LRBA: variants seen among roughly 807,000 people sequenced by gnomAD.
The protein encoded by LRBA is lipopolysaccharide-responsive and beige-like anchor protein.
In LRBA, 176 loss-of-function variants were observed where a neutral mutation model predicts 330.0. That is an observed-to-expected ratio of 0.53 (90% CI 0.47 to 0.60). The LOEUF (loss-of-function observed/expected upper bound fraction) is 0.60, where lower values mean the gene tolerates loss of function less well. Ranked by LOEUF, LRBA falls within the 20% of genes least tolerant of loss-of-function variation. The pLI, the probability that LRBA is intolerant of heterozygous loss-of-function variation, is 0.00. For missense variants in LRBA, 3,259 were observed against 3,444.8 expected (o/e 0.95, Z 1.35); for synonymous variants, 1,230 against 1,193.0 (o/e 1.03, Z -0.64).
chr4:150,887,587 T>C (rs1729071523), intron 17 of LRBA, among the ~76,000 whole-genome samples: 1 of 151,640 alleles, frequency 6.6e-6, no homozygotes, highest in Admixed American at 6.6e-5. Context: ...GCTAATACGG[T>C]GAAACCCTGT....
chr4:150,602,823 G>A (rs1441204746), intron 37 of LRBA, among the ~76,000 whole-genome samples: 1 of 152,112 alleles, frequency 6.6e-6, no homozygotes, highest in Non-Finnish European at 1.5e-5. Flanking sequence ...CATTTTTGTA[G>A]TTATCACCAT....
At chr4:150,838,353 G>T (rs1748492587) in intron 28 of LRBA, among the ~76,000 whole-genome samples, 1 of 152,140 alleles carries the variant, frequency 6.6e-6, no homozygotes, top group African/African-American at 2.4e-5. Flanking sequence ...GCTAGGTTGG[G>T]CAAGTCCTCC....
At chr4:150,557,786 T>A (rs944640830) in intron 40 of LRBA, among the ~76,000 whole-genome samples, 1 of 152,184 alleles carries the variant, frequency 6.6e-6, no homozygotes, top group African/African-American at 2.4e-5. Context: ...GCTATCAACG[T>A]GTTTTGTCAC....
intron 36 of LRBA, among the ~76,000 whole-genome samples, chr4:150,697,325 G>GAAAGAAAAAAAAAAAAAAAAA (rs373474421): frequency 1.8e-4 from 5 of 28,054 alleles, no homozygotes; most frequent in African/African-American, 6.6e-4. Flanking sequence ...CTTTGTCTCA[G>GAAAGAAAAAAAAAAAAAAAAA]AAAAAAAAAA....
In LRBA at chr4:150,828,167, C is replaced by G; in HGVS notation, c.5171+13G>C. 1 of 1,610,274 alleles carries G rather than the reference C, an allele frequency of 6.2e-7. No homozygotes were observed. The highest frequency in any genetic ancestry group is 1.1e-5 in the South Asian group (1 of 90,862). The stretch of plus-strand genomic sequence containing the variant: ...TGTAGAAACATACCAAAACGAAAAA[C>G]TATTATCAGTACCTGTCAAAAGATC... On this transcript the variant is annotated intron_variant, in intron 30 of 56. Transcript: ENST00000651943.
At chr4:150,460,445 G>C (rs2152048326) in intron 44 of LRBA, among the ~76,000 whole-genome samples, 1 of 151,888 alleles carries the variant, frequency 6.6e-6, no homozygotes, top group Non-Finnish European at 1.5e-5. Flanking sequence ...GTTCTCTTCG[G>C]TTTTGTCAGA....
At chr4:150,931,332 C>T (rs979305250) in intron 2 of LRBA, among the ~76,000 whole-genome samples, 49 of 151,382 alleles carry the variant, frequency 3.2e-4, no homozygotes, top group Admixed American at 2.8e-3. Flanking sequence ...GAATAAGGTG[C>T]TTATTATTAA....
intron 47 of LRBA, among the ~76,000 whole-genome samples, chr4:150,389,569 C>T (rs371858216): frequency 1.4e-4 from 20 of 146,402 alleles, no homozygotes; most frequent in Middle Eastern, 3.8e-3. Context: ...ATTAGCCAGG[C>T]GTGGTGGCAC....
chr4:150,571,621 T>C (rs191726151), intron 40 of LRBA, among the ~76,000 whole-genome samples: 1 of 150,744 alleles, frequency 6.6e-6, no homozygotes, highest in Admixed American at 6.6e-5. Flanking sequence ...ATTCATACCT[T>C]TAGTATGCAT....
chr4:150,644,241 CCAAA>C (rs1040166663), intron 37 of LRBA, among the ~76,000 whole-genome samples: 24 of 151,914 alleles, frequency 1.6e-4, no homozygotes, highest in Admixed American at 5.9e-4. Flanking sequence ...ATCAATATTA[CCAAA>C]CAAAGCACTC....
At chr4:150,642,005 A>T (rs1778722617) in intron 37 of LRBA, among the ~76,000 whole-genome samples, 1 of 152,050 alleles carries the variant, frequency 6.6e-6, no homozygotes, top group African/African-American at 2.4e-5. Flanking sequence ...TCATATTTTA[A>T]ACTACTGAGT....
chr4:150,647,352 C>CTTTTTTTT (rs769403201), intron 37 of LRBA, among the ~76,000 whole-genome samples: 4,646 of 79,012 alleles, frequency 0.059, 36 homozygotes, highest in Middle Eastern at 0.097. Context: ...ATTACTTTTT[C>CTTTTTTTT]TTTTTTTTTT....
chr4:150,847,171 G>T (rs1749966920), intron 26 of LRBA, among the ~76,000 whole-genome samples: 1 of 152,098 alleles, frequency 6.6e-6, no homozygotes, highest in Non-Finnish European at 1.5e-5. Flanking sequence ...TTTAGCTATA[G>T]ATAAGTTTCC....
chr4:150,632,234 GAAA>G (rs33955499), intron 37 of LRBA, among the ~76,000 whole-genome samples: 8 of 136,960 alleles, frequency 5.8e-5, no homozygotes, highest in Non-Finnish European at 6.3e-5. Context: ...CTGTCTCAAG[GAAA>G]AAAAAAAAAA....
chr4:150,597,170 TCAGAG>T, intron 38 of LRBA: 6 of 870,898 alleles, frequency 6.9e-6, no homozygotes, highest in South Asian at 1.8e-5. Flanking sequence ...TCGAGAGTAA[TCAGAG>T]TGAAATCTAC....
intron 28 of LRBA, among the ~76,000 whole-genome samples, chr4:150,834,015 T>C (rs1039195007): frequency 1.3e-5 from 2 of 152,188 alleles, no homozygotes; most frequent in African/African-American, 2.4e-5. Flanking sequence ...CAACTCTTCA[T>C]TCGTTGGAGT....
Position 150,866,644 on chromosome 4 carries a change from A to C in LRBA, c.2766+1027T>G, listed in dbSNP as rs188017459. 2.0e-5 allele frequency among the ~76,000 whole-genome samples: 3 copies of C among 152,356 alleles called. No individual in the cohort carries two copies. In the East Asian group the frequency reaches 5.8e-4, roughly 29 times the overall value. ...GTTCAACATTTTCACCTTATAAGTC[A>C]GCAATTCTACTTCTAGGAATATATG... On this transcript the variant is annotated intron_variant, in intron 22 of 56. Coordinates refer to ENST00000651943, the MANE Select transcript of LRBA (RefSeq NM_001364905.1).
chr4:150,361,898 A>C (rs539275504), intron 47 of LRBA, among the ~76,000 whole-genome samples: 139 of 151,576 alleles, frequency 9.2e-4, no homozygotes, highest in African/African-American at 3.3e-3. Context: ...CAGTTTCCTG[A>C]GTAGCTGGGA....
intron 5 of LRBA, among the ~76,000 whole-genome samples, chr4:150,919,311 T>C (rs904285771): frequency 6.6e-6 from 1 of 152,214 alleles, no homozygotes; most frequent in African/African-American, 2.4e-5. Context: ...TGAACACATT[T>C]ACCTACTATA....
Sources: gnomAD v4.1 joint callset for allele counts (sites outside exome capture counted in the v4.1 genomes callset) on GRCh38, gnomAD v4.1.1 for gene constraint, MANE v1.5 for transcripts, NCBI Gene and HGNC (gene_info 2026-07-23, HGNC 2026-07-21) for gene names.